Variants in CEP112 observed in about 807,000 individuals in gnomAD.
CEP112 encodes centrosomal protein of 112 kDa.
In CEP112, 127 loss-of-function variants were observed where a neutral mutation model predicts 153.0. The ratio of observed to expected loss-of-function variants is 0.83; its 90% confidence interval spans 0.72 to 0.96. The LOEUF (loss-of-function observed/expected upper bound fraction) is 0.96. Among genes scored for constraint, CEP112 ranks in the 40% least tolerant of loss-of-function variants. The pLI is 0.00. For missense variants in CEP112, 1,089 were observed against 1,101.2 expected (o/e 0.99, Z 0.16); for synonymous variants, 358 against 374.4 (o/e 0.96, Z 0.51).
rs71160510 is a variant in CEP112, at chr17:65,951,749, C to CCCCG, written c.1872+9713_1872+9714insCGGG. Among the ~76,000 whole-genome samples, 15 of 106,238 alleles carry CCCCG rather than the reference C, an allele frequency of 1.4e-4. 1 individual carries two copies. Among genetic ancestry groups the CCCCG allele is most frequent in the East Asian group, 7.8e-4 (2 of 2,554 alleles). 69.7% of individuals were successfully genotyped at this position (106,238 alleles called of 152,430 possible). On this transcript the variant is annotated intron_variant, in intron 18 of 26. Transcript: ENST00000535342. ...TCTGCTCTAATCTTCCCCCGCCCCC[C>CCCCG]CCTTTCTTCCACTTGCTTAGAAGCT...
intron 12 of CEP112, among the ~76,000 whole-genome samples, chr17:66,048,564 C>T (rs1356189539): frequency 6.6e-6 from 1 of 152,204 alleles, no homozygotes; most frequent in Admixed American, 6.5e-5. Context: ...CCTTCTTGCA[C>T]TTACAATACA....
chr17:65,743,161 C>T lies in CEP112; in HGVS notation c.2514G>A (p.Gln838=), dbSNP rs762954052. The T allele has an allele frequency of 4.3e-6, 7 of 1,613,154 alleles. No homozygotes were observed. The highest frequency in any genetic ancestry group is 5.9e-6 in the Non-Finnish European group (7 of 1,179,650). ...ISSLKEENSQ[Q]QLAAERRLQD... is the part of the protein sequence containing the mutation. ...GGAGCCGCCTTTCTGCAGCAAGCTG[C>T]TGCTGGCTGTTCTCTTCTTTCAGAG... The change falls in exon 23 of 27, where the codon CAG becomes CAA. Residue 838 remains glutamine (Q), a synonymous_variant. Coordinates refer to ENST00000535342, the MANE Select transcript of CEP112 (RefSeq NM_001199165.4).
rs538065530 is a variant in CEP112 at position 66,036,049 on chromosome 17, C to G, written c.1219-6026G>C. On this transcript the variant is annotated intron_variant, in intron 12 of 26. Coordinates refer to ENST00000535342, the MANE Select transcript of CEP112 (RefSeq NM_001199165.4). ...TTATTCAGCCATTAAAAAGGGAAAG[C>G]CTGTTTTATGTTACAACTTGAGTGA... 1.1e-4 allele frequency among the ~76,000 whole-genome samples: 16 copies of G among 152,278 alleles called. No homozygotes were observed. In the South Asian group the frequency reaches 2.1e-3, roughly 20 times the overall value.
intron 1 of CEP112, among the ~76,000 whole-genome samples, chr17:66,185,356 G>A (rs530135116): frequency 6.6e-6 from 1 of 152,128 alleles, no homozygotes; most frequent in African/African-American, 2.4e-5. Flanking sequence ...CTGAGTAGCT[G>A]GGATTACAGG....
chr17:65,747,071 AAC>A lies in CEP112; in HGVS notation c.2457+3589_2457+3590del, dbSNP rs147122129. On this transcript the variant is annotated intron_variant, in intron 22 of 26. Transcript: ENST00000535342. ...AAAATGTTAGTGGTCTTAAAAAAAA[AAC>A]AAAAACAGGATCCTAAATAGGGGTT... 6.1e-3 allele frequency among the ~76,000 whole-genome samples: 920 copies of A among 149,856 alleles called. 10 individuals carry two copies. Among genetic ancestry groups the A allele is most frequent in the African/African-American group, 0.022 (855 of 39,472 alleles).
intron 23 of CEP112, among the ~76,000 whole-genome samples, chr17:65,698,039 T>C (rs888881667): frequency 2.6e-5 from 4 of 151,864 alleles, no homozygotes. Flanking sequence ...AGGTTTTCAG[T>C]TTTTTTTCAC....
At chr17:65,996,085 A>G (rs776044868) in intron 17 of CEP112, among the ~76,000 whole-genome samples, 4 of 151,678 alleles carry the variant, frequency 2.6e-5, no homozygotes, top group South Asian at 2.1e-4. Context: ...TTTTTTCATC[A>G]TGGCGTGTTT....
intron 17 of CEP112, among the ~76,000 whole-genome samples, chr17:65,993,560 T>C (rs2063673478): frequency 6.6e-6 from 1 of 152,202 alleles, no homozygotes; most frequent in Admixed American, 6.5e-5. Context: ...ATTGCAGCAC[T>C]ATTAATAATA....
At chr17:66,079,606 T>A (rs1444260306) in intron 8 of CEP112, among the ~76,000 whole-genome samples, 1 of 152,156 alleles carries the variant, frequency 6.6e-6, no homozygotes, top group African/African-American at 2.4e-5. Flanking sequence ...GATTCAATGC[T>A]ATCCCCATCA....
At chr17:65,920,362 A>AATATATATAT (rs55934550) in intron 19 of CEP112, among the ~76,000 whole-genome samples, 739 of 42,530 alleles carry the variant, frequency 0.017, 15 homozygotes, top group Non-Finnish European at 0.024. Flanking sequence ...AAACAAACAA[A>AATATATATAT]ATATATATAT....
chr17:65,730,499 G>C (rs2050441006), intron 23 of CEP112, among the ~76,000 whole-genome samples: 1 of 152,080 alleles, frequency 6.6e-6, no homozygotes, highest in South Asian at 2.1e-4. Flanking sequence ...TCTATTCTTA[G>C]CATTATTAAT....
chr17:65,971,131 T>C (rs747578002), intron 17 of CEP112, among the ~76,000 whole-genome samples: 16 of 152,194 alleles, frequency 1.1e-4, no homozygotes, highest in Non-Finnish European at 1.5e-4. Context: ...GTATGAGATT[T>C]ATATTGCATG....
intron 17 of CEP112, among the ~76,000 whole-genome samples, chr17:65,971,583 T>C (rs1190762255): frequency 6.6e-6 from 1 of 151,926 alleles, no homozygotes; most frequent in East Asian, 1.9e-4. Flanking sequence ...ATGGCATGTA[T>C]ATTACATGCA....
chr17:65,729,940 CAAA>C (rs2050407298), intron 23 of CEP112, among the ~76,000 whole-genome samples: 4 of 141,730 alleles, frequency 2.8e-5, no homozygotes, highest in Non-Finnish European at 6.0e-5. Flanking sequence ...AACAAACAAA[CAAA>C]CAAACAGAAA....
intron 23 of CEP112, among the ~76,000 whole-genome samples, chr17:65,734,152 G>A (rs539534980): frequency 8.5e-5 from 13 of 152,338 alleles, no homozygotes; most frequent in African/African-American, 2.9e-4. Flanking sequence ...CTGTAATACA[G>A]CAAACACTTC....
intron 17 of CEP112, among the ~76,000 whole-genome samples, chr17:65,968,347 C>A (rs915264737): frequency 6.6e-6 from 1 of 152,078 alleles, no homozygotes; most frequent in African/African-American, 2.4e-5. Context: ...TTCAAAGTAA[C>A]TGGAAAATAT....
chr17:65,961,756 T>A (rs1442824492), intron 17 of CEP112, among the ~76,000 whole-genome samples, 158 bp from the exon 18 acceptor site: 1 of 152,216 alleles, frequency 6.6e-6, no homozygotes, highest in Non-Finnish European at 1.5e-5. Flanking sequence ...ATAAACTAAT[T>A]TGTCTCAAGA....
At position 65,950,699 on chromosome 17, in the gene CEP112, C is replaced by CTATTATTAGTAGTAGTAGTAGTAG. The variant is rs57598697; in HGVS notation, c.1872+10763_1872+10764insCTACTACTACTACTACTAATAATA. On this transcript the variant is annotated intron_variant, in intron 18 of 26. Transcript: ENST00000535342. ...CTTTCTTTCCATTCTGGATACATTA[C>CTATTATTAGTAGTAGTAGTAGTAG]TAGTAGTAGTAGTAGTAGTAGTAGT... is the stretch of plus-strand genomic sequence containing the variant. 6.8e-5 allele frequency among the ~76,000 whole-genome samples: 10 copies of CTATTATTAGTAGTAGTAGTAGTAG among 147,184 alleles called. No individual in the cohort carries two copies. In the East Asian group the frequency reaches 1.6e-3, roughly 24 times the overall value.
At chr17:66,164,606 CCAG>C (rs2071856105) in intron 4 of CEP112, among the ~76,000 whole-genome samples, 1 of 150,224 alleles carries the variant, frequency 6.7e-6, no homozygotes. Flanking sequence ...GCCTGTAATC[CCAG>C]CACTTTGGGA....
Sources: allele counts gnomAD v4.1 joint callset (sites outside exome capture counted in the v4.1 genomes callset), GRCh38; gene constraint gnomAD v4.1.1; transcripts MANE v1.5; gene names NCBI Gene and HGNC (gene_info 2026-07-23, HGNC 2026-07-21).